Variants in PNPLA6 observed in about 807,000 individuals in gnomAD.
PNPLA6 encodes the protein patatin-like phospholipase domain-containing protein 6.
In PNPLA6, 105 loss-of-function variants were observed where a neutral mutation model predicts 153.7. That is an observed-to-expected ratio of 0.68 (90% confidence interval 0.58 to 0.80). The LOEUF (loss-of-function observed/expected upper bound fraction) is 0.80, where lower values mean the gene tolerates loss of function less well. Among genes scored for constraint, PNPLA6 ranks in the 30% least tolerant of loss-of-function variants. The pLI is 0.00. For missense variants in PNPLA6, 1,423 were observed against 1,919.3 expected (o/e 0.74, Z 4.83); for synonymous variants, 825 against 822.2 (o/e 1.00, Z -0.06).
In PNPLA6 at chr19:7,550,074, C is replaced by T; in HGVS notation, c.1776C>T (p.Asp592=). ...TCTTCACACTGCGAGCCCAACGCGA[C>T]TGCACCTTCCTGCGGATCTCCAAGT... ...PLIFTLRAQR[D]CTFLRISKSD... The change falls in exon 14 of 32, where the codon GAC becomes GAT. Residue 592 remains aspartate (D), a synonymous_variant. Coordinates refer to ENST00000600737, the MANE Select transcript of PNPLA6 (RefSeq NM_001166114.2). The T allele has an allele frequency of 1.9e-6, 3 of 1,614,126 alleles. No homozygotes were observed. The highest frequency in any genetic ancestry group is 1.1e-5 in the South Asian group (1 of 91,088).
rs1179395840 is a variant in PNPLA6, at chr19:7,561,110, G to A, written c.3913G>A (p.Gly1305Arg). The A allele has an allele frequency of 5.1e-6, 8 of 1,583,034 alleles. No individual in the cohort carries two copies. Among genetic ancestry groups the A allele is most frequent in the East Asian group, 4.6e-5 (2 of 43,674 alleles). The change falls in exon 30 of 32, where the codon GGA becomes AGA. Residue 1305 changes from glycine to arginine, a missense_variant and splice_region_variant. This residue lies in a region of PNPLA6 where 643 missense variants were observed against 835.2 expected (regional missense o/e 0.77). Transcript: ENST00000600737. ...CTATGTCTCTGATGGCTGTGCTGACGGTGAGGGGCCCAGGGGACCCCCCAA... is the reference window on the plus strand; with the variant it reads ...CTATGTCTCTGATGGCTGTGCTGACAGTGAGGGGCCCAGGGGACCCCCCAA... ...TSYVSDGCADGEESDCLTEYE... is the reference protein window; with the variant it reads ...TSYVSDGCADREESDCLTEYE...
At position 7,544,197 on chromosome 19, in the gene PNPLA6, C is replaced by T. The variant is rs552701416; in HGVS notation, c.1608+1113C>T. 1.5e-4 allele frequency among the ~76,000 whole-genome samples: 23 copies of T among 151,886 alleles called. No individual in the cohort carries two copies. The South Asian group carries it at 1.7e-3, about 11-fold the overall frequency. On this transcript the variant is annotated intron_variant, in intron 13 of 31. Transcript: ENST00000600737. ...CACAATCTCAGCTCACTGCAACCTC[C>T]GCCTCCTGGGTTCAAGCAATTCTCC...
At chr19:7,536,147 G>A (rs1390737015) in intron 1 of PNPLA6, 44 bp from the exon 2 acceptor site, 2 of 1,518,648 alleles carry the variant, frequency 1.3e-6, no homozygotes, top group Admixed American at 1.7e-5. Context: ...GCAGGGTGGA[G>A]TCTGCACAGA....
intron 27 of PNPLA6, among the ~76,000 whole-genome samples, chr19:7,558,068 G>A (rs374570387): frequency 6.6e-6 from 1 of 152,208 alleles, no homozygotes; most frequent in Non-Finnish European, 1.5e-5. Context: ...AGTCTGTCCC[G>A]TTTGTCCTGC....
intron 28 of PNPLA6, among the ~76,000 whole-genome samples, chr19:7,560,437 A>G (rs2024051790): frequency 1.3e-5 from 2 of 152,210 alleles, no homozygotes; most frequent in Non-Finnish European, 2.9e-5. Context: ...GTGGGAAAGA[A>G]CATGGAGAGA....
rs374465709 is a variant in PNPLA6 at position 7,541,457 on chromosome 19, G to T, written c.1005+23G>T. The stretch of plus-strand genomic sequence containing the variant: ...CACGTGAGTGGGTGGCGGGGAGCGA[G>T]CACAGGGGGGATGGGGGCGAGGTCT... On this transcript the variant is annotated intron_variant, in intron 8 of 31. Coordinates refer to ENST00000600737, the MANE Select transcript of PNPLA6 (RefSeq NM_001166114.2). The surrounding 1 kb of genome is among the most constrained non-coding windows in gnomAD (Gnocchi z 5.2). The T allele has an allele frequency of 2.7e-5, 44 of 1,612,990 alleles. No homozygotes were observed. The highest frequency in any genetic ancestry group is 3.6e-5 in the Non-Finnish European group (42 of 1,179,374).
Position 7,555,563 on chromosome 19 carries a change from G to A in PNPLA6, c.2937-44G>A, listed in dbSNP as rs1255375077. The A allele has an allele frequency of 6.2e-7, 1 of 1,603,538 alleles. No homozygotes were observed. The highest frequency in any genetic ancestry group is 8.5e-7 in the Non-Finnish European group (1 of 1,174,580). ...AGGAGGTAGGGGCAGGGGAGTTCCT[G>A]CAGGTGGGGCCTAGCGGGTCACTGG... On this transcript the variant is annotated intron_variant, in intron 23 of 31. Transcript: ENST00000600737. The surrounding 1 kb of genome is among the most constrained non-coding windows in gnomAD (Gnocchi z 6.3).
chr19:7,555,874 A>T lies in PNPLA6; in HGVS notation c.3093+111A>T. The stretch of plus-strand genomic sequence containing the variant: ...TCCGGGGTCAGGGTGACCCTTCCTG[A>T]TTAAATCTATGATCCCCAGCTGTCC... On this transcript the variant is annotated intron_variant, in intron 24 of 31. Coordinates refer to ENST00000600737, the MANE Select transcript of PNPLA6 (RefSeq NM_001166114.2). The surrounding 1 kb of genome is among the most constrained non-coding windows in gnomAD (Gnocchi z 6.3). 2 of 1,150,126 alleles carry T rather than the reference A, an allele frequency of 1.7e-6. No individual in the cohort carries two copies. The highest frequency in any genetic ancestry group is 3.7e-5 in the Admixed American group (2 of 53,736). 71.2% of individuals were successfully genotyped at this position (1,150,126 alleles called of 1,614,324 possible). A position where few individuals can be genotyped will look rare whatever the true frequency, so the allele number is the denominator to read the frequency against.
At position 7,541,434 on chromosome 19, in the gene PNPLA6, C is replaced by T. The variant is rs769241929; in HGVS notation, c.1005C>T (p.His335=). 9.3e-6 allele frequency: 15 copies of T among 1,613,662 alleles called. No homozygotes were observed. Among genetic ancestry groups the T allele is most frequent in the Non-Finnish European group, 1.1e-5 (13 of 1,179,770 alleles). ...YLGLTNELFS[H]EIQPLRLFPS... ...GTCTGACCAATGAGCTCTTCAGCCACGTGAGTGGGTGGCGGGGAGCGAGCA... is the reference window on the plus strand; with the variant it reads ...GTCTGACCAATGAGCTCTTCAGCCATGTGAGTGGGTGGCGGGGAGCGAGCA... The change falls in exon 8 of 32, where the codon CAC becomes CAT. Residue 335 remains histidine, a splice_region_variant and synonymous_variant. Coordinates refer to ENST00000600737, the MANE Select transcript of PNPLA6 (RefSeq NM_001166114.2). The surrounding 1 kb of genome is among the most constrained non-coding windows in gnomAD (Gnocchi z 5.2).
At position 7,558,930 on chromosome 19, in the gene PNPLA6, T is replaced by C. The variant is rs1568423647; in HGVS notation, c.3478T>C (p.Tyr1160His). 1.2e-6 allele frequency: 2 copies of C among 1,614,134 alleles called. No homozygotes were observed. Among genetic ancestry groups the C allele is most frequent in the Non-Finnish European group, 8.5e-7 (1 of 1,180,008 alleles). ...CCAGGATGAGACGGACCTCAGCACCTACGGGGACAGCCTGTCCGGCTGGTG... is the reference window on the plus strand; with the variant it reads ...CCAGGATGAGACGGACCTCAGCACCCACGGGGACAGCCTGTCCGGCTGGTG... ...GSQDETDLSTYGDSLSGWWLL... is the reference protein window; with the variant it reads ...GSQDETDLSTHGDSLSGWWLL... The change falls in exon 28 of 32, where the codon TAC (tyrosine) becomes CAC (histidine). Residue 1160 changes from tyrosine to histidine, a missense_variant. Physicochemically the swap from Tyr to His is moderately conservative, Grantham distance 83 (BLOSUM62 2). Coordinates refer to ENST00000600737, the MANE Select transcript of PNPLA6 (RefSeq NM_001166114.2).
rs2022870623 is a variant in PNPLA6, at chr19:7,536,376, C to G, written c.316-73C>G. ...GCCACCGCTCCTTCCTTGATGGAGA[C>G]CCCCTGGATCCGTCTGCCTCTTCTC... On this transcript the variant is annotated intron_variant, in intron 2 of 31. Coordinates refer to ENST00000600737, the MANE Select transcript of PNPLA6 (RefSeq NM_001166114.2). 4 of 1,375,312 alleles carry G rather than the reference C, an allele frequency of 2.9e-6. No homozygotes were observed. In the Admixed American group the frequency reaches 6.7e-5, roughly 23 times the overall value. The allele number at this position is 1,375,312 out of a possible 1,614,324, so 85.2% of individuals were successfully genotyped here. A position where few individuals can be genotyped will look rare whatever the true frequency, so the allele number is the denominator to read the frequency against.
Position 7,551,084 on chromosome 19 carries a change from C to T in PNPLA6, c.2161C>T (p.His721Tyr). 1 of 1,546,816 alleles carries T rather than the reference C, an allele frequency of 6.5e-7. No individual in the cohort carries two copies. The highest frequency in any genetic ancestry group is 2.0e-5 in the Admixed American group (1 of 50,890). ...LAKLPEGTLG[H>Y]IKRRYPQVVT... ...CAAGCTTCCCGAGGGCACCTTGGGTCACATCAAACGCCGGTACCCGCAGGT... is the reference window on the plus strand; with the variant it reads ...CAAGCTTCCCGAGGGCACCTTGGGTTACATCAAACGCCGGTACCCGCAGGT... Residue 721 changes from histidine to tyrosine, a missense_variant, in exon 17 of 32, where the codon CAC becomes TAC. By Grantham distance (83) the His-to-Tyr change is moderately conservative. This residue lies in a region of PNPLA6 where 63 missense variants were observed against 166.2 expected (regional missense o/e 0.38). Transcript: ENST00000600737.
At chr19:7,557,103 G>T in intron 26 of PNPLA6, 65 bp from the exon 27 acceptor site, 4 of 1,249,168 alleles carry the variant, frequency 3.2e-6, no homozygotes, top group Non-Finnish European at 3.5e-6. Context: ...CCATCGGGCC[G>T]GCTGGGCCTC....
rs1232610627 is a variant in PNPLA6, at chr19:7,555,278, G to T, written c.2847G>T (p.Arg949Ser). Residue 949 changes from arginine (R) to serine (S), a missense_variant, in exon 23 of 32, where the codon AGG becomes AGT. Physicochemically the swap from Arg to Ser is moderately radical, Grantham distance 110. Around this residue, in one of 10 missense-constraint regions of PNPLA6, gnomAD observed 643 missense variants for 835.2 expected, o/e 0.77. Transcript: ENST00000600737. The surrounding 1 kb of genome is among the most constrained non-coding windows in gnomAD (Gnocchi z 6.3). ...LHELYEKVFS[R>S]RADRHSDFSR... ...AGCTCTACGAGAAGGTTTTCTCCAG[G>T]CGCGCGGACCGGCACAGCGACTTCT... is the stretch of plus-strand genomic sequence containing the variant. The T allele has an allele frequency of 3.8e-6, 6 of 1,596,696 alleles. No homozygotes were observed. Among genetic ancestry groups the T allele is most frequent in the Non-Finnish European group, 5.1e-6 (6 of 1,171,720 alleles).
rs375927799 is a variant in PNPLA6 at position 7,550,125 on chromosome 19, G to T, written c.1814+13G>T. 1 of 1,613,880 alleles carries T rather than the reference G, an allele frequency of 6.2e-7. No individual in the cohort carries two copies. The highest frequency in any genetic ancestry group is 1.1e-5 in the South Asian group (1 of 91,084). ...CCGACTTCTATGAGTATGACAGCCCGAAGTTGGAGTGTGGGTGGCACTCGG... is the reference window on the plus strand; with the variant it reads ...CCGACTTCTATGAGTATGACAGCCCTAAGTTGGAGTGTGGGTGGCACTCGG... On this transcript the variant is annotated intron_variant, in intron 14 of 31. Coordinates refer to ENST00000600737, the MANE Select transcript of PNPLA6 (RefSeq NM_001166114.2).
At chr19:7,542,696 G>A in intron 11 of PNPLA6, 26 bp downstream of exon 11, 2 of 1,612,264 alleles carry the variant, frequency 1.2e-6, no homozygotes, top group Non-Finnish European at 1.7e-6. Context: ...CTGCCCGGTG[G>A]TGGAGCCCGC....
intron 28 of PNPLA6, 101 bp from the exon 29 acceptor site, chr19:7,560,547 C>T (rs2024056236): frequency 1.2e-6 from 1 of 838,326 alleles, no homozygotes; most frequent in African/African-American, 1.7e-5. Flanking sequence ...ATGCAACTCC[C>T]CCAGAGAATC....
In PNPLA6 at chr19:7,556,794, G is replaced by A. The variant is rs569791065; in HGVS notation, c.3280+70G>A. 6.0e-5 allele frequency: 68 copies of A among 1,134,528 alleles called. No individual in the cohort carries two copies. The Admixed American group carries it at 9.3e-4, about 15-fold the overall frequency. The allele number at this position is 1,134,528 out of a possible 1,614,324, so 70.3% of individuals were successfully genotyped here. A position where few individuals can be genotyped will look rare whatever the true frequency, so the allele number is the denominator to read the frequency against. On this transcript the variant is annotated intron_variant, in intron 26 of 31. Transcript: ENST00000600737. ...GGGTTGGGGGGATGCTTCCGGGAGGGCCGCTGAGCTTCTGGGACGTTGTTA... is the reference window on the plus strand; with the variant it reads ...GGGTTGGGGGGATGCTTCCGGGAGGACCGCTGAGCTTCTGGGACGTTGTTA...
In PNPLA6 at chr19:7,556,705, C is replaced by A; in HGVS notation, c.3261C>A (p.Ala1087=). The change falls in exon 26 of 32, where the codon GCC becomes GCA. Residue 1087 remains alanine (A), a synonymous_variant. Transcript: ENST00000600737. ...FNVTTDITAS[A]MRVHKDGSLW... ...TGACCACAGATATCACCGCCTCAGC[C>A]ATGCGAGTCCACAAAGATGGTGGGT... is the stretch of plus-strand genomic sequence containing the variant. The A allele has an allele frequency of 6.2e-7, 1 of 1,613,570 alleles. No individual in the cohort carries two copies. The highest frequency in any genetic ancestry group is 8.5e-7 in the Non-Finnish European group (1 of 1,179,504).
Sources: gnomAD v4.1 joint callset for allele counts (sites outside exome capture counted in the v4.1 genomes callset) on GRCh38, gnomAD v4.1.1 for gene constraint, gnomAD v4.1.1 regional missense constraint, Gnocchi (gnomAD v3.1) non-coding constraint, MANE v1.5 for transcripts, NCBI Gene and HGNC (gene_info 2026-07-23, HGNC 2026-07-21) for gene names.